Variants in ANAPC7 observed in about 807,000 individuals in gnomAD.
ANAPC7 encodes anaphase-promoting complex subunit 7.
Under a neutral mutation model 63.3 loss-of-function variants are expected in ANAPC7, and 25 were observed. The ratio of observed to expected loss-of-function variants is 0.39; its 90% CI spans 0.29 to 0.55. The LOEUF (loss-of-function observed/expected upper bound fraction) is 0.55. Among genes scored for constraint, ANAPC7 ranks in the 20% least tolerant of loss-of-function variants. The pLI is 0.57. For missense variants in ANAPC7, 516 were observed against 691.7 expected (o/e 0.75, Z 2.85); for synonymous variants, 241 against 251.7 (o/e 0.96, Z 0.40).
At chr12:110,394,891 AAAG>A (rs1339299523) in intron 3 of ANAPC7, among the ~76,000 whole-genome samples, 4 of 152,080 alleles carry the variant, frequency 2.6e-5, no homozygotes, top group African/African-American at 9.7e-5. Context: ...AAGAAAAAAC[AAAG>A]AATAAGCATG....
intron 6 of ANAPC7, 42 bp downstream of exon 6, chr12:110,386,285 C>T (rs781486148): frequency 3.1e-6 from 5 of 1,611,538 alleles, no homozygotes; most frequent in South Asian, 1.1e-5. Flanking sequence ...TCTGATCCCC[C>T]CCAACAACAG....
At chr12:110,389,338 G>T (rs1305198533) in intron 3 of ANAPC7, among the ~76,000 whole-genome samples, 1 of 152,142 alleles carries the variant, frequency 6.6e-6, no homozygotes, top group Non-Finnish European at 1.5e-5. Context: ...TCTTGACATA[G>T]CTAGTTAAGA....
rs142395617 is a variant in ANAPC7, at chr12:110,396,991, C to T, written c.102-539G>A. Among the ~76,000 whole-genome samples, 915 of 151,520 alleles carry T rather than the reference C, an allele frequency of 6.0e-3. 11 individuals carry two copies. The highest frequency in any genetic ancestry group is 0.021 in the African/African-American group (858 of 41,308). ...GGCTGAGGGGGGCGGATCTCGAGGT[C>T]AGGAGATCGAGACCATCCTGGCTAA... On this transcript the variant is annotated intron_variant, in intron 1 of 10. Transcript: ENST00000455511.
intron 8 of ANAPC7, among the ~76,000 whole-genome samples, chr12:110,380,597 G>A (rs994450759): frequency 2.0e-5 from 3 of 147,338 alleles, no homozygotes; most frequent in Non-Finnish European, 4.4e-5. Flanking sequence ...GTTGCAATGA[G>A]CCAAGATCAT....
chr12:110,381,203 T>A (rs1325255732), intron 8 of ANAPC7, among the ~76,000 whole-genome samples: 1 of 152,158 alleles, frequency 6.6e-6, no homozygotes, highest in African/African-American at 2.4e-5. Flanking sequence ...TTCCCAAACC[T>A]GTCTGCACAT....
intron 10 of ANAPC7, chr12:110,375,528 G>T: frequency 1.1e-6 from 1 of 898,736 alleles, no homozygotes; most frequent in Non-Finnish European, 1.3e-6. Flanking sequence ...CCAGGCACAG[G>T]GCTAAGAGCT....
At chr12:110,388,772 C>G (rs146853753) in intron 3 of ANAPC7, 149 bp from the exon 4 acceptor site, 24 of 632,930 alleles carry the variant, frequency 3.8e-5, no homozygotes, top group Admixed American at 3.5e-4. Context: ...GCAGACTGAC[C>G]CCATTCTTCA....
chr12:110,377,286 C>T, intron 9 of ANAPC7, 107 bp downstream of exon 9: 1 of 948,368 alleles, frequency 1.1e-6, no homozygotes. Flanking sequence ...CTGCAAAAGG[C>T]ACACACCTGT....
chr12:110,395,311 A>G, intron 2 of ANAPC7, 91 bp from the exon 3 acceptor site: 1 of 1,291,406 alleles, frequency 7.7e-7, no homozygotes, highest in South Asian at 1.5e-5. Context: ...CATATGACCC[A>G]GCAATTCTTT....
chr12:110,396,126 T>C (rs1883553806), intron 2 of ANAPC7, 140 bp downstream of exon 2: 3 of 716,706 alleles, frequency 4.2e-6, no homozygotes, highest in Non-Finnish European at 7.0e-6. Flanking sequence ...GGCAGTAATA[T>C]TCACTAGCCC....
chr12:110,377,704 C>A, intron 8 of ANAPC7, 87 bp from the exon 9 acceptor site: 1 of 1,580,576 alleles, frequency 6.3e-7, no homozygotes, highest in Non-Finnish European at 8.6e-7. Flanking sequence ...AAATTGCTAA[C>A]CTTCAAAGTT....
rs548612753 is a variant in ANAPC7, at chr12:110,400,910, C to T, written c.101+2617G>A. Among the ~76,000 whole-genome samples the T allele has an allele frequency of 2.1e-3, 310 of 151,170 alleles. 1 individual carries two copies. Among genetic ancestry groups the T allele is most frequent in the African/African-American group, 7.1e-3 (294 of 41,184 alleles). On this transcript the variant is annotated intron_variant, in intron 1 of 10. Transcript: ENST00000455511. ...AAAAAAAAAAAAAAAATTAGCTGGGCGTGGTGGTGCGAATCTGTAATCCCT... is the reference window on the plus strand; with the variant it reads ...AAAAAAAAAAAAAAAATTAGCTGGGTGTGGTGGTGCGAATCTGTAATCCCT...
chr12:110,385,006 G>A (rs1157167618), intron 6 of ANAPC7, among the ~76,000 whole-genome samples: 1 of 152,180 alleles, frequency 6.6e-6, no homozygotes, highest in Non-Finnish European at 1.5e-5. Flanking sequence ...GCTCAGGCCT[G>A]TAATCCCAAC....
chr12:110,388,385 C>A (rs1023330514), intron 4 of ANAPC7, 127 bp downstream of exon 4: 17 of 677,132 alleles, frequency 2.5e-5, no homozygotes, highest in Non-Finnish European at 3.7e-5. Flanking sequence ...CAACAGGAAT[C>A]CTACTAAATC....
chr12:110,387,229 G>C (rs1465590205), intron 5 of ANAPC7: 4 of 141,558 alleles, frequency 2.8e-5, no homozygotes, highest in Middle Eastern at 3.7e-3. Context: ...GAGAGAGAGA[G>C]AGAGAGAGAC....
chr12:110,403,427 C>T (rs1028149463), intron 1 of ANAPC7, 100 bp downstream of exon 1: 4 of 1,335,852 alleles, frequency 3.0e-6, no homozygotes, highest in South Asian at 1.4e-5. Context: ...CTGGCGCCGG[C>T]GGCCGCTCCT....
At chr12:110,374,467 C>G in intron 10 of ANAPC7, 134 bp from the exon 11 acceptor site, 1 of 765,286 alleles carries the variant, frequency 1.3e-6, no homozygotes, top group Non-Finnish European at 2.0e-6. Context: ...CCTCTCCAAA[C>G]AACTCAGGCT....
intron 6 of ANAPC7, 131 bp downstream of exon 6, chr12:110,386,194 TAA>T: frequency 3.7e-6 from 5 of 1,339,724 alleles, no homozygotes; most frequent in Non-Finnish European, 5.2e-6. Flanking sequence ...CTAAAAAAAG[TAA>T]AAGACTAGTA....
chr12:110,401,054 GCAAAA>G (rs899553124), intron 1 of ANAPC7, among the ~76,000 whole-genome samples: 1 of 152,064 alleles, frequency 6.6e-6, no homozygotes, highest in South Asian at 2.1e-4. Context: ...CGTCTGAAAA[GCAAAA>G]CAAAACAAAA....
Sources: gnomAD v4.1 joint callset for allele counts (sites outside exome capture counted in the v4.1 genomes callset) on GRCh38, gnomAD v4.1.1 for gene constraint, MANE v1.5 for transcripts, NCBI Gene and HGNC (gene_info 2026-07-23, HGNC 2026-07-21) for gene names.